PCNX2: variants seen among roughly 807,000 people sequenced by gnomAD.
PCNX2 encodes pecanex-like protein 2.
Under a neutral mutation model 223.8 loss-of-function variants are expected in PCNX2, and 168 were observed. The observed-to-expected ratio is 0.75, with a 90% CI of 0.66 to 0.85. PCNX2 has a LOEUF of 0.85. Ranked by LOEUF, PCNX2 falls within the 40% of genes least tolerant of loss-of-function variation. The pLI, the probability that PCNX2 is intolerant of heterozygous loss-of-function variation, is 0.00. For synonymous variants in PCNX2, 1,006 were observed against 1,052.6 expected, an observed-to-expected ratio of 0.96 and a Z score of 0.86; for missense variants, 2,507 against 2,675.5, an observed-to-expected ratio of 0.94 and a Z score of 1.39.
At chr1:233,079,780 C>CA (rs1673272856) in intron 23 of PCNX2, among the ~76,000 whole-genome samples, 1 of 152,090 alleles carries the variant, frequency 6.6e-6, no homozygotes, top group South Asian at 2.1e-4. Flanking sequence ...GCTGTGTCCT[C>CA]AGGACAGTTC....
chr1:233,273,611 A>G (rs1009538579), intron 1 of PCNX2, among the ~76,000 whole-genome samples: 1 of 150,890 alleles, frequency 6.6e-6, no homozygotes, highest in African/African-American at 2.5e-5. Context: ...GTTTTCAATA[A>G]AAGAGAAGCT....
chr1:233,174,170 GTAT>G (rs1258778860), intron 17 of PCNX2, among the ~76,000 whole-genome samples: 2 of 94,738 alleles, frequency 2.1e-5, no homozygotes, highest in Admixed American at 1.0e-4. Flanking sequence ...ATATTATATA[GTAT>G]TATAATAAAT....
chr1:233,287,107 T>C (rs559562791), intron 1 of PCNX2, among the ~76,000 whole-genome samples: 1 of 152,266 alleles, frequency 6.6e-6, no homozygotes, highest in East Asian at 1.9e-4. Context: ...GGAAGACAAA[T>C]AAAGTTGCTT....
chr1:232,986,898 A>G (rs1669511483), intron 32 of PCNX2, among the ~76,000 whole-genome samples: 2 of 152,258 alleles, frequency 1.3e-5, no homozygotes, highest in East Asian at 3.9e-4. Flanking sequence ...CAGGCGAACC[A>G]GGACAATGCC....
At chr1:233,321,013 C>CTTTTTTTTTTTT in the PCNX2 span, among the ~76,000 whole-genome samples, 3 of 70,364 alleles carry the variant, frequency 4.3e-5, 1 homozygote, top group African/African-American at 1.8e-4. Flanking sequence ...AAAATGTCTT[C>CTTTTTTTTTTTT]TTTTTTTTTT....
chr1:233,017,110 C>A lies in PCNX2; in HGVS notation c.4650G>T (p.Trp1550Cys). 6.4e-7 allele frequency: 1 copy of A among 1,572,520 alleles called. No homozygotes were observed. The highest frequency in any genetic ancestry group is 8.6e-7 in the Non-Finnish European group (1 of 1,163,074). The change falls in exon 27 of 34, where the codon TGG (tryptophan) becomes TGT (cysteine). Residue 1550 changes from tryptophan to cysteine, a missense_variant. Trp to Cys is a radical substitution (Grantham distance 215). Around this residue, in one of 3 missense-constraint regions of PCNX2, gnomAD observed 1,372 missense variants for 1,509.4 expected, o/e 0.91. Transcript: ENST00000258229. Reference sequence around the variant, plus strand: ...ACTTCAGAAGTGATTCATTTTTGATCCAGGAGAGGAGTTTGGGAGACGTTA... The same window carrying A: ...ACTTCAGAAGTGATTCATTTTTGATACAGGAGAGGAGTTTGGGAGACGTTA... The part of the protein sequence containing the change: ...YMVTSPKLLS[W>C]IKNESLLKSL...
At chr1:232,987,151 T>C in intron 32 of PCNX2, among the ~76,000 whole-genome samples, 1 of 152,224 alleles carries the variant, frequency 6.6e-6, no homozygotes, top group East Asian at 1.9e-4. Context: ...CTTCCCATGC[T>C]CTTCTCAGCC....
chr1:233,182,123 T>C (rs1361318511), intron 15 of PCNX2, among the ~76,000 whole-genome samples: 1 of 152,210 alleles, frequency 6.6e-6, no homozygotes, highest in African/African-American at 2.4e-5. Context: ...ATTGGGTTCC[T>C]CTTCTTTAAC....
At chr1:233,112,125 G>A (rs1215942256) in intron 21 of PCNX2, among the ~76,000 whole-genome samples, 1 of 152,182 alleles carries the variant, frequency 6.6e-6, no homozygotes, top group Admixed American at 6.5e-5. Context: ...ACCACTCAAA[G>A]TACTTCCAAA....
At chr1:233,029,997 A>T (rs1465781071) in intron 25 of PCNX2, among the ~76,000 whole-genome samples, 1 of 152,208 alleles carries the variant, frequency 6.6e-6, no homozygotes, top group Non-Finnish European at 1.5e-5. Flanking sequence ...AGTTAAAAAA[A>T]ATCTGGATAA....
At chr1:233,239,487 A>G (rs1425038591) in intron 8 of PCNX2, among the ~76,000 whole-genome samples, 1 of 152,182 alleles carries the variant, frequency 6.6e-6, no homozygotes, top group African/African-American at 2.4e-5. Context: ...TAAAAAATCT[A>G]TGGGTTGATT....
intron 25 of PCNX2, among the ~76,000 whole-genome samples, chr1:233,035,874 G>A (rs1398209533): frequency 6.6e-6 from 1 of 152,076 alleles, no homozygotes; most frequent in African/African-American, 2.4e-5. Flanking sequence ...CAGCCCCAGC[G>A]AGCTTCCTTG....
chr1:233,083,024 G>A (rs537585929), intron 23 of PCNX2, among the ~76,000 whole-genome samples: 1 of 152,276 alleles, frequency 6.6e-6, no homozygotes, highest in East Asian at 1.9e-4. Flanking sequence ...CCACACTCAC[G>A]CATAAGATCA....
chr1:233,117,897 C>G (rs989518431), intron 21 of PCNX2, among the ~76,000 whole-genome samples: 1 of 145,218 alleles, frequency 6.9e-6, no homozygotes, highest in African/African-American at 2.5e-5. Context: ...GTAGTCCCAG[C>G]TACTTGGGAG....
chr1:233,007,295 T>C (rs1355130867), intron 28 of PCNX2, among the ~76,000 whole-genome samples: 1 of 151,852 alleles, frequency 6.6e-6, no homozygotes, highest in Non-Finnish European at 1.5e-5. Flanking sequence ...CTAAGCGCTT[T>C]CCATTCCATA....
At chr1:233,276,111 ATACATAC>A (rs1660899783) in intron 1 of PCNX2, among the ~76,000 whole-genome samples, 1 of 152,336 alleles carries the variant, frequency 6.6e-6, no homozygotes, top group East Asian at 1.9e-4. Context: ...AATGTGGTCT[ATACATAC>A]TATGGAATAT....
At position 233,161,178 on chromosome 1, in the gene PCNX2, C is replaced by T. The variant is rs1201323409; in HGVS notation, c.3366+93G>A. On this transcript the variant is annotated intron_variant, in intron 18 of 33. Transcript: ENST00000258229. ...GGCATTTTGTTTTCTTTCTCTGGCT[C>T]ACGTGTCTTGTCAATACCCTGTAGC... 4 of 1,168,524 alleles carry T rather than the reference C, an allele frequency of 3.4e-6. No homozygotes were observed. The East Asian group carries it at 1.0e-4, about 30-fold the overall frequency. The allele number at this position is 1,168,524 out of a possible 1,614,324, so 72.4% of individuals were successfully genotyped here.
At chr1:233,039,863 T>G (rs1309658786) in intron 25 of PCNX2, among the ~76,000 whole-genome samples, 1 of 152,160 alleles carries the variant, frequency 6.6e-6, no homozygotes, top group Non-Finnish European at 1.5e-5. Flanking sequence ...ACACAAACAC[T>G]CAAACACAAA....
chr1:233,069,433 T>C (rs1672754375), intron 23 of PCNX2, among the ~76,000 whole-genome samples: 1 of 150,516 alleles, frequency 6.6e-6, no homozygotes, highest in Non-Finnish European at 1.5e-5. Context: ...CCACAGAGAG[T>C]GTACCAAGAT....
Sources: allele counts gnomAD v4.1 joint callset (sites outside exome capture counted in the v4.1 genomes callset), GRCh38; gene constraint gnomAD v4.1.1; regional missense constraint gnomAD v4.1.1; transcripts MANE v1.5; gene names NCBI Gene and HGNC (gene_info 2026-07-23, HGNC 2026-07-21).